JHY: variants seen among roughly 807,000 people sequenced by gnomAD.
The protein encoded by JHY is junctional cadherin complex regulator.
A neutral mutation model predicts 78.0 loss-of-function variants in JHY; 69 were observed. That is an observed-to-expected ratio of 0.88 (90% CI 0.73 to 1.08). The LOEUF (loss-of-function observed/expected upper bound fraction) is 1.08, where lower values mean the gene tolerates loss of function less well. JHY is among the 50% of genes least tolerant of loss of function. The pLI, the probability that JHY is intolerant of heterozygous loss-of-function variation, is 0.00. For synonymous variants in JHY, 368 were observed against 342.6 expected, an observed-to-expected ratio of 1.07 and a Z score of -0.82; for missense variants, 944 against 927.8, an observed-to-expected ratio of 1.02 and a Z score of -0.23.
chr11:122,912,318 G>A (rs540540074), intron 3 of JHY, among the ~76,000 whole-genome samples: 93 of 150,784 alleles, frequency 6.2e-4, no homozygotes, highest in African/African-American at 2.2e-3. Context: ...AAACTGGGAT[G>A]TCTAGCCAGG....
chr11:122,942,527 G>A (rs937776493), intron 5 of JHY, among the ~76,000 whole-genome samples: 2 of 152,012 alleles, frequency 1.3e-5, no homozygotes, highest in Non-Finnish European at 2.9e-5. Context: ...GGGTTCAAGC[G>A]ATTATTGTGC....
intron 5 of JHY, among the ~76,000 whole-genome samples, chr11:122,942,228 A>G (rs903640248): frequency 2.0e-5 from 3 of 152,056 alleles, no homozygotes; most frequent in Non-Finnish European, 4.4e-5. Flanking sequence ...AGAAACCACA[A>G]TAGTTTATTT....
At position 122,961,488 on chromosome 11, in the gene JHY, G is replaced by A. The variant is rs762736593; in HGVS notation, c.*2043G>A. On this transcript the variant is annotated 3_prime_UTR_variant, in exon 9 of 9. Coordinates refer to ENST00000227349, the MANE Select transcript of JHY (RefSeq NM_024806.4). ...TCCTGTCTCAGCCTCCCGAGTAGCC[G>A]AGATTGCAAGCGTGCACTACCACGC... 1.2e-4 allele frequency among the ~76,000 whole-genome samples: 19 copies of A among 152,102 alleles called. No homozygotes were observed. Among genetic ancestry groups the A allele is most frequent in the Non-Finnish European group, 2.4e-4 (16 of 68,024 alleles).
chr11:122,904,868 A>G (rs1200725852), intron 3 of JHY, among the ~76,000 whole-genome samples: 1 of 152,130 alleles, frequency 6.6e-6, no homozygotes, highest in Non-Finnish European at 1.5e-5. Context: ...CTTTGTTACC[A>G]CCATAGCAGA....
chr11:122,949,502 G>A (rs1049028964), intron 6 of JHY, among the ~76,000 whole-genome samples: 1 of 152,164 alleles, frequency 6.6e-6, no homozygotes, highest in Admixed American at 6.5e-5. Flanking sequence ...CCTGGATCAG[G>A]CAGCAAGAGA....
rs372312315 is a variant in JHY, at chr11:122,924,909, G to C, written c.877G>C (p.Val293Leu). The change falls in exon 4 of 9, where the codon GTC (valine) becomes CTC (leucine). Residue 293 changes from valine to leucine, a missense_variant. Physicochemically the swap from Val to Leu is conservative, Grantham distance 32. Coordinates refer to ENST00000227349, the MANE Select transcript of JHY (RefSeq NM_024806.4). ...TTTACCTACCTAGATCTCCTACCCC[G>C]TCAGAGTAACAGACAAGACGTCTAT... ...ESHPEQISYP[V>L]RVTDKTSIQN... 1 of 1,613,286 alleles carries C rather than the reference G, an allele frequency of 6.2e-7. No individual in the cohort carries two copies. The highest frequency in any genetic ancestry group is 1.7e-5 in the Admixed American group (1 of 59,982).
At chr11:122,938,397 C>T (rs998505951) in intron 5 of JHY, among the ~76,000 whole-genome samples, 1 of 127,652 alleles carries the variant, frequency 7.8e-6, no homozygotes, top group Non-Finnish European at 1.7e-5. Flanking sequence ...TAATTTCCGA[C>T]AGGATTTTTT....
chr11:122,947,257 T>C (rs1591397212), intron 6 of JHY: 1 of 153,648 alleles, frequency 6.5e-6, no homozygotes, highest in Non-Finnish European at 1.4e-5. Context: ...TTTCCCACCA[T>C]CTGCCACTAT....
intron 3 of JHY, among the ~76,000 whole-genome samples, chr11:122,918,762 C>T (rs1863288717): frequency 6.6e-6 from 1 of 151,194 alleles, no homozygotes; most frequent in South Asian, 2.1e-4. Context: ...ATTTATTGAC[C>T]ATCTAGATGC....
intron 3 of JHY, among the ~76,000 whole-genome samples, chr11:122,907,433 T>G (rs114625869): frequency 0.018 from 2,706 of 152,036 alleles, 101 homozygotes; most frequent in African/African-American, 0.062. Context: ...ATCTCTTCCA[T>G]CACCTCCAAA....
At chr11:122,897,475 C>G (rs1293874391) in intron 2 of JHY, among the ~76,000 whole-genome samples, 2 of 152,128 alleles carry the variant, frequency 1.3e-5, no homozygotes, top group Non-Finnish European at 2.9e-5. Flanking sequence ...CAAGTGAGCC[C>G]CTTGCCTGGA....
chr11:122,949,727 A>G (rs919490132), intron 6 of JHY, among the ~76,000 whole-genome samples: 1 of 151,266 alleles, frequency 6.6e-6, no homozygotes, highest in East Asian at 1.9e-4. Flanking sequence ...TGGGGACGGG[A>G]CCCTATCCGT....
intron 8 of JHY, 65 bp downstream of exon 8, chr11:122,957,556 CTT>C (rs374289526): frequency 0.34 from 330,321 of 970,500 alleles, 19,085 homozygotes; most frequent in African/African-American, 0.37. Context: ...TTTATTATCG[CTT>C]TTTTTTTTTT....
chr11:122,960,964 A>AACAAGAGCACATG lies in JHY; in HGVS notation c.*1521_*1533dup, dbSNP rs912568464. On this transcript the variant is annotated 3_prime_UTR_variant, in exon 9 of 9. Transcript: ENST00000227349. ...GTGCAGAACATGATGCGTTGAAAGG[A>AACAAGAGCACATG]ACAAGAGCACATGATAAATTGGGTG... The AACAAGAGCACATG allele has an allele frequency of 2.7e-5, 21 of 763,914 alleles. No individual in the cohort carries two copies. Among genetic ancestry groups the AACAAGAGCACATG allele is most frequent in the African/African-American group, 2.7e-4 (16 of 58,386 alleles). The allele number at this position is 763,914 out of a possible 1,614,324, so 47.3% of individuals were successfully genotyped here.
At chr11:122,957,603 C>A in intron 8 of JHY, 112 bp downstream of exon 8, 6 of 1,136,132 alleles carry the variant, frequency 5.3e-6, no homozygotes, top group South Asian at 1.7e-5. Flanking sequence ...CCGTCTTGCC[C>A]AGGATGGTCA....
Position 122,913,444 on chromosome 11 carries a change from C to CT in JHY, c.864+9001dup, listed in dbSNP as rs1222599348. Among the ~76,000 whole-genome samples the CT allele has an allele frequency of 3.3e-5, 5 of 151,466 alleles. No individual in the cohort carries two copies. In the East Asian group the frequency reaches 9.6e-4, roughly 29 times the overall value. On this transcript the variant is annotated intron_variant, in intron 3 of 8. Transcript: ENST00000227349. ...TTACCTTCAAAATAAAACTCAAACT[C>CT]TGAGTGGTACGAAAGGCCCTTCCTG...
chr11:122,953,054 A>AGTGTTAATT (rs1864123446), intron 6 of JHY, among the ~76,000 whole-genome samples: 1 of 152,234 alleles, frequency 6.6e-6, no homozygotes, highest in Admixed American at 6.5e-5. Context: ...TGTTAGTGGA[A>AGTGTTAATT]GTGTTAATTG....
At chr11:122,925,573 A>C (rs1863478993) in intron 4 of JHY, among the ~76,000 whole-genome samples, 1 of 152,094 alleles carries the variant, frequency 6.6e-6, no homozygotes, top group Non-Finnish European at 1.5e-5. Flanking sequence ...AATTCTCCAC[A>C]CTGTTTTTCT....
At position 122,955,732 on chromosome 11, in the gene JHY, A is replaced by T. The variant is rs537400130; in HGVS notation, c.1930-764A>T. On this transcript the variant is annotated intron_variant, in intron 6 of 8. Coordinates refer to ENST00000227349, the MANE Select transcript of JHY (RefSeq NM_024806.4). ...CTTTTCTCTTGAATATTATAAATAG[A>T]TTATCATTGTTTTTCCCTTAAAATT... 6.6e-5 allele frequency among the ~76,000 whole-genome samples: 10 copies of T among 152,288 alleles called. No homozygotes were observed. In the East Asian group the frequency reaches 1.9e-3, roughly 29 times the overall value.
Sources: allele counts gnomAD v4.1 joint callset (sites outside exome capture counted in the v4.1 genomes callset), GRCh38; gene constraint gnomAD v4.1.1; transcripts MANE v1.5; gene names NCBI Gene and HGNC (gene_info 2026-07-23, HGNC 2026-07-21).